Variants in CPEB3 observed in about 807,000 individuals in gnomAD.
The protein encoded by CPEB3 is cytoplasmic polyadenylation element binding protein 3, also known as cytoplasmic polyadenylation element-binding protein 3.
A neutral mutation model predicts 67.2 loss-of-function variants in CPEB3; 20 were observed. That is an observed-to-expected ratio of 0.30 (90% CI 0.21 to 0.43). The LOEUF (loss-of-function observed/expected upper bound fraction) is 0.43, where lower values mean the gene tolerates loss of function less well. Among genes scored for constraint, CPEB3 ranks in the 20% least tolerant of loss-of-function variants. The pLI is 1.00. For missense variants in CPEB3, 746 were observed against 968.6 expected, an observed-to-expected ratio of 0.77 and a Z score of 3.05; for synonymous variants, 376 against 393.1, an observed-to-expected ratio of 0.96 and a Z score of 0.51.
intron 1 of CPEB3, among the ~76,000 whole-genome samples, chr10:92,290,225 C>T (rs577922038): frequency 6.6e-6 from 1 of 152,276 alleles, no homozygotes; most frequent in South Asian, 2.1e-4. Flanking sequence ...GAAAACGCCA[C>T]AGGTCGTCCA....
chr10:92,108,816 C>T (rs1427061976), intron 7 of CPEB3, among the ~76,000 whole-genome samples: 2 of 152,152 alleles, frequency 1.3e-5, no homozygotes, highest in Admixed American at 1.3e-4. Context: ...TTTCAAAAGT[C>T]CTTCAATCCA....
At chr10:92,071,206 T>C (rs998254196) in intron 9 of CPEB3, among the ~76,000 whole-genome samples, 9 of 152,154 alleles carry the variant, frequency 5.9e-5, no homozygotes, top group African/African-American at 2.2e-4. Flanking sequence ...AATATTTCTA[T>C]GGGATGTATT....
At chr10:92,244,462 G>GAAAAA (rs1564904129) in intron 1 of CPEB3, among the ~76,000 whole-genome samples, 3 of 150,834 alleles carry the variant, frequency 2.0e-5, no homozygotes, top group Admixed American at 2.0e-4. Flanking sequence ...TTTTGAGATG[G>GAAAAA]AGTCTCTCTC....
chr10:92,134,872 C>T (rs1400907057), intron 6 of CPEB3, among the ~76,000 whole-genome samples: 2 of 151,816 alleles, frequency 1.3e-5, no homozygotes, highest in East Asian at 1.9e-4. Context: ...CATCTACAAC[C>T]ATCTGATCTT....
intron 1 of CPEB3, among the ~76,000 whole-genome samples, chr10:92,270,558 AC>A (rs1470675015): frequency 2.5e-4 from 34 of 137,320 alleles, no homozygotes; most frequent in Admixed American, 2.3e-3. Flanking sequence ...GTTTTATATT[AC>A]TTTTTTTTTT....
chr10:92,170,591 A>G (rs944586873), intron 4 of CPEB3, among the ~76,000 whole-genome samples: 1 of 152,198 alleles, frequency 6.6e-6, no homozygotes, highest in African/African-American at 2.4e-5. Flanking sequence ...GCACATTGCT[A>G]AATGAAACAA....
chr10:92,058,552 AATACATACATAC>A (rs58987766), intron 9 of CPEB3, among the ~76,000 whole-genome samples: 54 of 138,686 alleles, frequency 3.9e-4, no homozygotes, highest in African/African-American at 1.3e-3. Flanking sequence ...CCATCTCAAA[AATACATACATAC>A]ATACATACAT....
At chr10:92,167,656 C>T (rs377755360) in intron 4 of CPEB3, among the ~76,000 whole-genome samples, 9 of 152,156 alleles carry the variant, frequency 5.9e-5, no homozygotes, top group East Asian at 3.8e-4. Context: ...CCTGTAATCC[C>T]AGCACTTTGG....
chr10:92,211,791 C>T (rs1850099991), intron 2 of CPEB3, among the ~76,000 whole-genome samples: 1 of 151,826 alleles, frequency 6.6e-6, no homozygotes, highest in African/African-American at 2.4e-5. Context: ...GATCCGCCCA[C>T]CTCAGCCTCC....
rs1205025371 is a variant in CPEB3 at position 92,046,729 on chromosome 10, G to GA, written c.*5482dup. The GA allele has an allele frequency of 6.6e-6, 1 of 152,080 alleles. No homozygotes were observed. Among genetic ancestry groups the GA allele is most frequent in the Non-Finnish European group, 1.5e-5 (1 of 68,010 alleles). The allele number at this position is 152,080 out of a possible 1,614,324, so 9.4% of individuals were successfully genotyped here. A position where few individuals can be genotyped will look rare whatever the true frequency, so the allele number is the denominator to read the frequency against. On this transcript the variant is annotated 3_prime_UTR_variant, in exon 10 of 10. Coordinates refer to ENST00000265997, the MANE Select transcript of CPEB3 (RefSeq NM_014912.5). The stretch of plus-strand genomic sequence containing the variant: ...CTAGATTTAATAAGTTGTTATTACA[G>GA]AAAAAAATGAAGTCCAAACTACAAA...
intron 1 of CPEB3, among the ~76,000 whole-genome samples, chr10:92,270,372 C>T (rs1030573375): frequency 1.3e-5 from 2 of 151,936 alleles, no homozygotes; most frequent in African/African-American, 2.4e-5. Flanking sequence ...AAAGGGAATA[C>T]CATGCTTCTT....
rs144355135 is a variant in CPEB3 at position 92,114,506 on chromosome 10, G to A, written c.1454-3312C>T. Among the ~76,000 whole-genome samples, 198 of 152,270 alleles carry A rather than the reference G, an allele frequency of 1.3e-3. 1 individual carries two copies. Among genetic ancestry groups the A allele is most frequent in the African/African-American group, 4.5e-3 (189 of 41,562 alleles). Reference sequence around the variant, plus strand: ...ACTAGGAGACAGAAGGTCTAGATTCGGGTACAAGTCCTAACATTTAGTAGC... The same window carrying A: ...ACTAGGAGACAGAAGGTCTAGATTCAGGTACAAGTCCTAACATTTAGTAGC... On this transcript the variant is annotated intron_variant, in intron 6 of 9. Coordinates refer to ENST00000265997, the MANE Select transcript of CPEB3 (RefSeq NM_014912.5).
chr10:92,237,913 T>C (rs1381590661), intron 2 of CPEB3, among the ~76,000 whole-genome samples: 1 of 152,226 alleles, frequency 6.6e-6, no homozygotes, highest in Non-Finnish European at 1.5e-5. Context: ...AGGATCCTTG[T>C]GAAAATTCCT....
chr10:92,099,261 C>T (rs1463843502), intron 7 of CPEB3, among the ~76,000 whole-genome samples: 4 of 150,304 alleles, frequency 2.7e-5, no homozygotes, highest in Non-Finnish European at 5.9e-5. Flanking sequence ...CAGTCTGTCA[C>T]CCAGGCTAGA....
In CPEB3 at chr10:92,239,579, G is replaced by A. The variant is rs1210592738; in HGVS notation, c.772C>T (p.Pro258Ser). The change falls in exon 2 of 10, where the codon CCC becomes TCC. Residue 258 changes from proline to serine, a missense_variant. Around this residue, in one of 2 missense-constraint regions of CPEB3, gnomAD observed 643 missense variants for 717.5 expected, o/e 0.90. Transcript: ENST00000265997. The surrounding 1 kb of genome is among the most constrained non-coding windows in gnomAD (Gnocchi z 6.0). ...VNAAWSAPSN[P>S]WGGLQAGRDP... ...CGGCCCGCCTGCAGGCCGCCCCAGG[G>A]GTTGGACGGTGCGCTCCAGGCTGCA... The A allele has an allele frequency of 6.4e-7, 1 of 1,554,908 alleles. No individual in the cohort carries two copies. Among genetic ancestry groups the A allele is most frequent in the Admixed American group, 2.0e-5 (1 of 51,188 alleles).
At chr10:92,136,017 G>T (rs1378317867) in intron 6 of CPEB3, among the ~76,000 whole-genome samples, 1 of 151,808 alleles carries the variant, frequency 6.6e-6, no homozygotes, top group South Asian at 2.1e-4. Context: ...GTCATGGGGT[G>T]GGGGGCAGGG....
chr10:92,106,525 A>C (rs1390011750), intron 7 of CPEB3, among the ~76,000 whole-genome samples: 3 of 152,044 alleles, frequency 2.0e-5, no homozygotes, highest in Non-Finnish European at 2.9e-5. Context: ...TTAGAAATTG[A>C]GATGGGAGGC....
At chr10:92,124,940 A>G (rs1269392114) in intron 6 of CPEB3, among the ~76,000 whole-genome samples, 2 of 152,238 alleles carry the variant, frequency 1.3e-5, no homozygotes, top group African/African-American at 4.8e-5. Context: ...TTGTTCCTCA[A>G]GCAGGATCTC....
chr10:92,062,244 C>A (rs866719880), intron 9 of CPEB3, among the ~76,000 whole-genome samples: 1,124 of 119,708 alleles, frequency 9.4e-3, no homozygotes, highest in South Asian at 0.012. Flanking sequence ...GACCCTGTCT[C>A]AAAAAAAAAA....
Sources: gnomAD v4.1 joint callset for allele counts (sites outside exome capture counted in the v4.1 genomes callset) on GRCh38, gnomAD v4.1.1 for gene constraint, gnomAD v4.1.1 regional missense constraint, Gnocchi (gnomAD v3.1) non-coding constraint, MANE v1.5 for transcripts, NCBI Gene and HGNC (gene_info 2026-07-23, HGNC 2026-07-21) for gene names.